TPR: variants seen among roughly 807,000 people sequenced by gnomAD.
TPR encodes translocated promoter region, nuclear basket protein.
A neutral mutation model predicts 316.1 loss-of-function variants in TPR; 51 were observed. The ratio of observed to expected loss-of-function variants is 0.16; its 90% CI spans 0.13 to 0.20. TPR has a LOEUF of 0.20. Among genes scored for constraint, TPR ranks in the 10% least tolerant of loss-of-function variants. The pLI, the probability that TPR is intolerant of heterozygous loss-of-function variation, is 1.00. For synonymous variants in TPR, 981 were observed against 914.7 expected (o/e 1.07, Z -1.31); for missense variants, 2,272 against 2,754.8 (o/e 0.82, Z 3.92).
rs1485665182 is a variant in TPR at position 186,322,662 on chromosome 1, AC to A, written c.6298-77del. On this transcript the variant is annotated intron_variant, in intron 43 of 50. Transcript: ENST00000367478. ...AAACAAACACCAAATATCAACAGAT[AC>A]AGCTTATTACGCTGCCAACAAAATA... 2.9e-6 allele frequency: 4 copies of A among 1,400,506 alleles called. No individual in the cohort carries two copies. In the African/African-American group the frequency reaches 5.7e-5, roughly 20 times the overall value. The allele number at this position is 1,400,506 out of a possible 1,614,324, so 86.8% of individuals were successfully genotyped here.
In TPR at chr1:186,325,645, CA is replaced by C; in HGVS notation, c.6112+118del. The C allele has an allele frequency of 2.6e-6, 2 of 765,824 alleles. 1 individual carries two copies. 47.4% of individuals were successfully genotyped at this position (765,824 alleles called of 1,614,324 possible). A position where few individuals can be genotyped will look rare whatever the true frequency, so the allele number is the denominator to read the frequency against. On this transcript the variant is annotated intron_variant, in intron 42 of 50. Coordinates refer to ENST00000367478, the MANE Select transcript of TPR (RefSeq NM_003292.3). ...GAGCACAACAGTCACAAAGCTAGAA[CA>C]GGGGCCAATCTCTTTTTACCAATTC...
At chr1:186,364,978 A>G (rs1315298701) in intron 4 of TPR, among the ~76,000 whole-genome samples, 2 of 152,076 alleles carry the variant, frequency 1.3e-5, no homozygotes, top group African/African-American at 4.8e-5. Flanking sequence ...GATAAACACC[A>G]GCTGCCTGTC....
Position 186,362,440 on chromosome 1 carries a change from A to C in TPR, c.697-60T>G, listed in dbSNP as rs937792764. 4 of 1,331,162 alleles carry C rather than the reference A, an allele frequency of 3.0e-6. No individual in the cohort carries two copies. In the African/African-American group the frequency reaches 5.8e-5, roughly 19 times the overall value. The allele number at this position is 1,331,162 out of a possible 1,614,324, so 82.5% of individuals were successfully genotyped here. ...TCATATTAACTGAAATTACTCTGAC[A>C]TGAGGTTTATGCTGCTAAGGAAAAG... On this transcript the variant is annotated intron_variant, in intron 6 of 50. Coordinates refer to ENST00000367478, the MANE Select transcript of TPR (RefSeq NM_003292.3).
Position 186,351,360 on chromosome 1 carries a change from T to C in TPR, c.2580A>G (p.Glu860=). The C allele has an allele frequency of 6.2e-7, 1 of 1,612,348 alleles. No homozygotes were observed. Among genetic ancestry groups the C allele is most frequent in the Non-Finnish European group, 8.5e-7 (1 of 1,179,240 alleles). The change falls in exon 20 of 51, where the codon GAA becomes GAG. Residue 860 remains glutamate, a synonymous_variant. Coordinates refer to ENST00000367478, the MANE Select transcript of TPR (RefSeq NM_003292.3). ...HLKKKLENEV[E]QRHTLTRNLD... is the part of the protein sequence containing the mutation. ...GATTTCTAGTAAGTGTATGCCTTTG[T>C]TCCACCTCATTTTCCAACTTCTTCT...
At position 186,350,350 on chromosome 1, in the gene TPR, C is replaced by A. The variant is rs976728631; in HGVS notation, c.2649G>T (p.Glu883Asp). ...LLDTKRQLDT[E>D]TNLHLNTKEL... ...CTTTTGTGTTAAGATGAAGATTTGTCTCTGTATCCAGTTGTCTCTTTGTAT... is the reference window on the plus strand; with the variant it reads ...CTTTTGTGTTAAGATGAAGATTTGTATCTGTATCCAGTTGTCTCTTTGTAT... The change falls in exon 21 of 51, where the codon GAG (glutamate) becomes GAT (aspartate). Residue 883 changes from glutamate to aspartate, a missense_variant. Physicochemically the swap from Glu to Asp is conservative, Grantham distance 45. Coordinates refer to ENST00000367478, the MANE Select transcript of TPR (RefSeq NM_003292.3). The A allele has an allele frequency of 3.1e-6, 5 of 1,611,604 alleles. No individual in the cohort carries two copies. The highest frequency in any genetic ancestry group is 3.4e-6 in the Non-Finnish European group (4 of 1,178,784).
chr1:186,345,585 C>T lies in TPR; in HGVS notation c.3208G>A (p.Glu1070Lys), dbSNP rs201125462. ...CAATAATTGGCTATACTTACTTGTT[C>T]CTGACAGTCACGTCTGGCTTGCTGC... ...NEQQARRDCQ[E>K]QAKIAVEAQN... Residue 1070 changes from glutamate (E) to lysine (K), a missense_variant, in exon 24 of 51, where the codon GAA (glutamate) becomes AAA (lysine). Physicochemically the swap from Glu to Lys is moderately conservative, Grantham distance 56. Coordinates refer to ENST00000367478, the MANE Select transcript of TPR (RefSeq NM_003292.3). The T allele has an allele frequency of 8.1e-5, 131 of 1,611,748 alleles. No homozygotes were observed. The highest frequency in any genetic ancestry group is 6.6e-5 in the South Asian group (6 of 90,950).
At chr1:186,357,829 G>A (rs981668397) in intron 13 of TPR, among the ~76,000 whole-genome samples, 2 of 152,052 alleles carry the variant, frequency 1.3e-5, no homozygotes, top group African/African-American at 4.8e-5. Flanking sequence ...AGTATGTATT[G>A]AAGGCTATTA....
Position 186,375,123 on chromosome 1 carries a change from G to C in TPR, c.-95C>G. On this transcript the variant is annotated 5_prime_UTR_variant, in exon 1 of 51. Transcript: ENST00000367478. ...GCAGGACCCAGACGCCTGGGCCGCC[G>C]CCTCTATCACCTCGCTCGGTGGCTC... 1 of 1,566,084 alleles carries C rather than the reference G, an allele frequency of 6.4e-7. No homozygotes were observed. Among genetic ancestry groups the C allele is most frequent in the East Asian group, 2.4e-5 (1 of 41,796 alleles).
In TPR at chr1:186,343,477, C is replaced by A; in HGVS notation, c.3603-4G>T. The A allele has an allele frequency of 6.2e-7, 1 of 1,606,456 alleles. No individual in the cohort carries two copies. Among genetic ancestry groups the A allele is most frequent in the Non-Finnish European group, 8.5e-7 (1 of 1,177,916 alleles). Reference sequence around the variant, plus strand: ...TTCTTTTTCTCGTCGTATAAATCTACAAAAATACAGATATTAAAATTTTAT... The same window carrying A: ...TTCTTTTTCTCGTCGTATAAATCTAAAAAAATACAGATATTAAAATTTTAT... On this transcript the variant is annotated splice_region_variant and splice_polypyrimidine_tract_variant and intron_variant, in intron 26 of 50. Coordinates refer to ENST00000367478, the MANE Select transcript of TPR (RefSeq NM_003292.3).
At chr1:186,332,881 T>C (rs1190005008) in intron 37 of TPR, among the ~76,000 whole-genome samples, 1 of 152,136 alleles carries the variant, frequency 6.6e-6, no homozygotes, top group East Asian at 1.9e-4. Context: ...AAAATAGTCA[T>C]ATTCAGTAGT....
At position 186,336,653 on chromosome 1, in the gene TPR, T is replaced by C. The variant is rs1558004603; in HGVS notation, c.4548A>G (p.Glu1516=). The stretch of plus-strand genomic sequence containing the variant: ...GTTCAGACTGAAGTTGCACAGTCTG[T>C]TCCTGGAGATTTCTTGCTTCTGTCT... ...EKETEARNLQ[E]QTVQLQSELS... Residue 1516 remains glutamate (E), a synonymous_variant, in exon 33 of 51, where the codon GAA becomes GAG. Transcript: ENST00000367478. The C allele has an allele frequency of 1.2e-6, 2 of 1,613,750 alleles. No individual in the cohort carries two copies. The highest frequency in any genetic ancestry group is 3.3e-5 in the Admixed American group (2 of 59,928).
At chr1:186,326,346 G>C in intron 40 of TPR, 111 bp from the exon 41 acceptor site, 1 of 1,478,802 alleles carries the variant, frequency 6.8e-7, no homozygotes, top group Non-Finnish European at 9.0e-7. Flanking sequence ...CAGAAGATAG[G>C]AATTGTCCTG....
chr1:186,346,578 A>G (rs1384450281), intron 22 of TPR, among the ~76,000 whole-genome samples: 1 of 152,072 alleles, frequency 6.6e-6, no homozygotes, highest in African/African-American at 2.4e-5. Context: ...AAATCCATCT[A>G]TTCTACAATC....
chr1:186,348,833 A>G, intron 21 of TPR, among the ~76,000 whole-genome samples: 1 of 152,192 alleles, frequency 6.6e-6, no homozygotes, highest in Non-Finnish European at 1.5e-5. Flanking sequence ...ATTTAGCCCA[A>G]TTTTTATTGT....
intron 39 of TPR, among the ~76,000 whole-genome samples, 197 bp downstream of exon 39, chr1:186,331,301 A>G (rs773121821): frequency 5.9e-5 from 9 of 152,098 alleles, no homozygotes; most frequent in East Asian, 1.9e-4. Context: ...TTTCTTTAAT[A>G]TAAGTTTAGA....
chr1:186,331,462 G>C, intron 39 of TPR, 36 bp downstream of exon 39: 1 of 1,457,980 alleles, frequency 6.9e-7, no homozygotes, highest in Non-Finnish European at 9.4e-7. Flanking sequence ...TTCACGAAAA[G>C]CAACGGTGTG....
At chr1:186,373,534 A>C (rs1305309060) in intron 1 of TPR, 71 bp from the exon 2 acceptor site, 1 of 854,238 alleles carries the variant, frequency 1.2e-6, no homozygotes, top group Non-Finnish European at 1.8e-6. Context: ...ACTGTTATTT[A>C]TTTCTAATAA....
chr1:186,319,357 C>T (rs931252126), intron 46 of TPR, among the ~76,000 whole-genome samples: 10 of 152,230 alleles, frequency 6.6e-5, no homozygotes, highest in African/African-American at 1.7e-4. Context: ...TTAAAACATT[C>T]GCTAAAATGC....
intron 36 of TPR, among the ~76,000 whole-genome samples, 200 bp from the exon 37 acceptor site, chr1:186,333,594 T>C (rs1658243699): frequency 6.6e-6 from 1 of 152,162 alleles, no homozygotes; most frequent in Admixed American, 6.6e-5. Context: ...AAATGTTGCC[T>C]GAATTAAATA....
Sources: allele counts gnomAD v4.1 joint callset (sites outside exome capture counted in the v4.1 genomes callset), GRCh38; gene constraint gnomAD v4.1.1; transcripts MANE v1.5; gene names NCBI Gene and HGNC (gene_info 2026-07-23, HGNC 2026-07-21).